Variants in FAT3 observed in about 807,000 individuals in gnomAD.
The protein encoded by FAT3 is protocadherin Fat 3.
Under a neutral mutation model 310.2 loss-of-function variants are expected in FAT3, and 95 were observed. The ratio of observed to expected loss-of-function variants is 0.31; its 90% confidence interval spans 0.26 to 0.36. The LOEUF is 0.36. Ranked by LOEUF, FAT3 falls within the 10% of genes least tolerant of loss-of-function variation. The probability of loss-of-function intolerance (pLI) is 1.00; values close to 1 mark genes in which losing one functional copy is unlikely to be tolerated. For missense variants in FAT3, 5,408 were observed against 5,715.6 expected (o/e 0.95, Z 1.74); for synonymous variants, 2,314 against 2,192.9 (o/e 1.06, Z -1.54).
At chr11:92,783,217 G>C (rs1946798702) in intron 7 of FAT3, among the ~76,000 whole-genome samples, 1 of 151,948 alleles carries the variant, frequency 6.6e-6, no homozygotes, top group Non-Finnish European at 1.5e-5. Flanking sequence ...AATTAGCTGG[G>C]TGTGGTGGAA....
chr11:92,430,466 G>C (rs368997796), intron 2 of FAT3, among the ~76,000 whole-genome samples: 3 of 152,058 alleles, frequency 2.0e-5, no homozygotes, highest in South Asian at 2.1e-4. Context: ...TATCTTCATG[G>C]ATTTGTCTAC....
chr11:92,537,347 G>A (rs758241994), intron 3 of FAT3, among the ~76,000 whole-genome samples: 2 of 152,090 alleles, frequency 1.3e-5, no homozygotes, highest in Non-Finnish European at 2.9e-5. Flanking sequence ...AACATGAGAG[G>A]AGAAGACAGT....
At chr11:92,740,464 A>G (rs1945476715) in intron 4 of FAT3, among the ~76,000 whole-genome samples, 2 of 152,340 alleles carry the variant, frequency 1.3e-5, no homozygotes, top group South Asian at 2.1e-4. Flanking sequence ...TGACTAGAAC[A>G]TTCTTCCTTA....
intron 1 of FAT3, among the ~76,000 whole-genome samples, chr11:92,339,105 A>G (rs1948170598): frequency 6.6e-6 from 1 of 152,196 alleles, no homozygotes; most frequent in Non-Finnish European, 1.5e-5. Flanking sequence ...CCTTCCCAAT[A>G]TAGTTGAATT....
intron 2 of FAT3, among the ~76,000 whole-genome samples, chr11:92,520,531 A>G (rs987903390): frequency 6.6e-6 from 1 of 152,134 alleles, no homozygotes; most frequent in Non-Finnish European, 1.5e-5. Flanking sequence ...TGTGGTTGTC[A>G]CAATGTTAAG....
chr11:92,558,629 T>C (rs1044309278), intron 3 of FAT3, among the ~76,000 whole-genome samples: 8 of 152,212 alleles, frequency 5.3e-5, no homozygotes, highest in Non-Finnish European at 1.2e-4. Flanking sequence ...GTTTTATTTC[T>C]GTCCCGAAAG....
At chr11:92,471,108 T>A (rs1248105777) in intron 2 of FAT3, among the ~76,000 whole-genome samples, 1 of 152,226 alleles carries the variant, frequency 6.6e-6, no homozygotes, top group African/African-American at 2.4e-5. Context: ...ATTTCATATA[T>A]TTACTTTTTA....
At chr11:92,697,567 C>T in intron 4 of FAT3, 122 bp downstream of exon 4, 6 of 967,796 alleles carry the variant, frequency 6.2e-6, no homozygotes, top group East Asian at 2.5e-5. Flanking sequence ...AGATATTTCT[C>T]TTGGGCTGCT....
chr11:92,248,947 T>G lies in FAT3; in HGVS notation c.-18+23773T>G, dbSNP rs539480575. Among the ~76,000 whole-genome samples the G allele has an allele frequency of 1.8e-3, 281 of 152,098 alleles. 1 individual carries two copies. The highest frequency in any genetic ancestry group is 9.3e-3 in the East Asian group (48 of 5,138). On this transcript the variant is annotated intron_variant, in intron 1 of 27. Coordinates refer to ENST00000525166, the MANE Select transcript of FAT3 (RefSeq NM_001367949.2). The stretch of plus-strand genomic sequence containing the variant: ...GTTTAATCTTACAGATAGATTGAGG[T>G]TCGGAGAAAGTGAATGGATTACCTA...
chr11:92,306,662 T>C (rs1947136463), intron 1 of FAT3, among the ~76,000 whole-genome samples: 1 of 124,174 alleles, frequency 8.1e-6, no homozygotes, highest in African/African-American at 3.1e-5. Flanking sequence ...ATTATATATA[T>C]ATAAAGTGGA....
intron 3 of FAT3, among the ~76,000 whole-genome samples, chr11:92,575,706 G>A (rs1008250324): frequency 6.6e-6 from 1 of 152,094 alleles, no homozygotes; most frequent in Non-Finnish European, 1.5e-5. Context: ...GTGATAACGT[G>A]AATAAATATA....
At chr11:92,482,403 T>C (rs1402111912) in intron 2 of FAT3, among the ~76,000 whole-genome samples, 1 of 152,142 alleles carries the variant, frequency 6.6e-6, no homozygotes, top group Non-Finnish European at 1.5e-5. Context: ...CACTTTTTAA[T>C]CCTTACAACA....
intron 3 of FAT3, among the ~76,000 whole-genome samples, chr11:92,603,718 C>T (rs371443860): frequency 5.3e-5 from 8 of 152,030 alleles, no homozygotes; most frequent in East Asian, 3.9e-4. Context: ...ATTACATGTT[C>T]GTGAAATTGA....
intron 2 of FAT3, among the ~76,000 whole-genome samples, chr11:92,505,469 G>T (rs1488070634): frequency 6.6e-6 from 1 of 152,152 alleles, no homozygotes; most frequent in African/African-American, 2.4e-5. Flanking sequence ...TGTGGTGCTG[G>T]TGTGCATCAC....
intron 4 of FAT3, among the ~76,000 whole-genome samples, chr11:92,751,562 G>C (rs1431114671): frequency 6.6e-6 from 1 of 152,176 alleles, no homozygotes; most frequent in Non-Finnish European, 1.5e-5. Flanking sequence ...CTCAAGTCTT[G>C]AGTGCTGAAA....
intron 3 of FAT3, among the ~76,000 whole-genome samples, chr11:92,616,485 T>G (rs886832049): frequency 4.6e-5 from 7 of 152,180 alleles, no homozygotes; most frequent in African/African-American, 7.2e-5. Flanking sequence ...ACATTTAAGG[T>G]TAATATTGTT....
At chr11:92,387,195 C>T (rs1289431464) in intron 2 of FAT3, among the ~76,000 whole-genome samples, 1 of 151,712 alleles carries the variant, frequency 6.6e-6, no homozygotes, top group African/African-American at 2.4e-5. Flanking sequence ...AGGTATTATT[C>T]TAAACCAGGA....
chr11:92,240,576 C>CAA (rs570423845), intron 1 of FAT3, among the ~76,000 whole-genome samples: 119 of 140,750 alleles, frequency 8.5e-4, no homozygotes, highest in African/African-American at 2.1e-3. Flanking sequence ...GAAACCCCCC[C>CAA]AAAAAAAAAA....
intron 1 of FAT3, chr11:92,336,280 AG>A: frequency 1.9e-6 from 1 of 517,424 alleles, no homozygotes; most frequent in East Asian, 4.8e-5. Context: ...TAGCAATGGG[AG>A]TCTGGGTTCT....
Sources: gnomAD v4.1 joint callset for allele counts (sites outside exome capture counted in the v4.1 genomes callset) on GRCh38, gnomAD v4.1.1 for gene constraint, MANE v1.5 for transcripts, NCBI Gene and HGNC (gene_info 2026-07-23, HGNC 2026-07-21) for gene names.